Variants in NALF1 observed in about 807,000 individuals in gnomAD.
NALF1 encodes NALCN channel auxiliary factor 1.
NALF1 carries 3 observed loss-of-function variants against 48.4 expected under a neutral mutation model. The observed-to-expected ratio is 0.06, with a 90% CI of 0.03 to 0.16. NALF1 has a LOEUF of 0.16. Among genes scored for constraint, NALF1 ranks in the 10% least tolerant of loss-of-function variants. The pLI, the probability that NALF1 is intolerant of heterozygous loss-of-function variation, is 1.00. For missense variants in NALF1, 526 were observed against 571.5 expected (o/e 0.92, Z 0.81); for synonymous variants, 262 against 245.7 (o/e 1.07, Z -0.62).
chr13:107,800,605 AATATAATATATATATTATATAATT>A (rs1363887065), intron 1 of NALF1, among the ~76,000 whole-genome samples: 1 of 137,648 alleles, frequency 7.3e-6, no homozygotes, highest in Admixed American at 7.4e-5. Context: ...TAAATTATGT[AATATAATATATATATTATATAATT>A]ATATAATACA....
At chr13:107,287,182 A>G (rs911814287) in intron 1 of NALF1, among the ~76,000 whole-genome samples, 2 of 152,240 alleles carry the variant, frequency 1.3e-5, no homozygotes, top group African/African-American at 2.4e-5. Context: ...TATGGTAACC[A>G]GAACCTTCAC....
At chr13:107,826,511 G>A (rs781364287) in intron 1 of NALF1, among the ~76,000 whole-genome samples, 2 of 152,212 alleles carry the variant, frequency 1.3e-5, no homozygotes, top group Non-Finnish European at 1.5e-5. Flanking sequence ...AGAGGAAGAC[G>A]CCAACGGGGC....
chr13:107,385,740 C>G (rs1181774603), intron 1 of NALF1, among the ~76,000 whole-genome samples: 2 of 152,014 alleles, frequency 1.3e-5, no homozygotes, highest in African/African-American at 4.8e-5. Flanking sequence ...CTGTATATGC[C>G]AATTCTTTAA....
chr13:107,776,416 T>C (rs1233690764), intron 1 of NALF1, among the ~76,000 whole-genome samples: 1 of 152,168 alleles, frequency 6.6e-6, no homozygotes, highest in Non-Finnish European at 1.5e-5. Flanking sequence ...GTTTCTGGCA[T>C]ATGGGAAGCT....
At chr13:107,609,800 A>T (rs28433159) in intron 1 of NALF1, among the ~76,000 whole-genome samples, 6,648 of 152,278 alleles carry the variant, frequency 0.044, 375 homozygotes, top group East Asian at 0.26. Flanking sequence ...GGATAAAATA[A>T]ATGCATGTAT....
intron 1 of NALF1, among the ~76,000 whole-genome samples, chr13:107,222,078 T>C (rs1279438062): frequency 6.6e-6 from 1 of 152,182 alleles, no homozygotes; most frequent in African/African-American, 2.4e-5. Context: ...TGTGATCTTA[T>C]TAACACAAGC....
chr13:107,614,169 C>A (rs1241988251), intron 1 of NALF1, among the ~76,000 whole-genome samples: 1 of 152,036 alleles, frequency 6.6e-6, no homozygotes, highest in Non-Finnish European at 1.5e-5. Context: ...GAGAAAATAC[C>A]AAATCTCTCA....
At chr13:107,282,790 G>C (rs1001636135) in intron 1 of NALF1, among the ~76,000 whole-genome samples, 2 of 152,198 alleles carry the variant, frequency 1.3e-5, no homozygotes, top group African/African-American at 2.4e-5. Context: ...TGAGGGGACT[G>C]AACCTCAGGA....
At chr13:107,500,114 A>C (rs1010884582) in intron 1 of NALF1, among the ~76,000 whole-genome samples, 1 of 152,180 alleles carries the variant, frequency 6.6e-6, no homozygotes, top group Non-Finnish European at 1.5e-5. Flanking sequence ...AAGGCTTGAC[A>C]ATTTTACATG....
intron 1 of NALF1, among the ~76,000 whole-genome samples, chr13:107,401,704 A>C (rs1003042055): frequency 6.7e-6 from 1 of 148,720 alleles, no homozygotes; most frequent in African/African-American, 2.5e-5. Context: ...AAAAAAAAAA[A>C]CAATGTTGAA....
At chr13:107,474,753 C>T (rs1594082939) in intron 1 of NALF1, among the ~76,000 whole-genome samples, 1 of 152,176 alleles carries the variant, frequency 6.6e-6, no homozygotes, top group East Asian at 1.9e-4. Context: ...GAGACAGATC[C>T]TACCATGGAA....
intron 1 of NALF1, among the ~76,000 whole-genome samples, chr13:107,456,283 G>T (rs1156874367): frequency 6.6e-6 from 1 of 152,152 alleles, no homozygotes; most frequent in Non-Finnish European, 1.5e-5. Context: ...TACAAGGCAT[G>T]AAAGTAAAAG....
chr13:107,708,420 T>C (rs1875467435), intron 1 of NALF1, among the ~76,000 whole-genome samples: 1 of 152,188 alleles, frequency 6.6e-6, no homozygotes, highest in Admixed American at 6.5e-5. Context: ...CATAAGGTGC[T>C]AAAAGGAAGG....
At chr13:107,217,672 G>A (rs960974570) in intron 1 of NALF1, among the ~76,000 whole-genome samples, 5 of 151,988 alleles carry the variant, frequency 3.3e-5, no homozygotes, top group African/African-American at 4.8e-5. Context: ...GGGGTCATCC[G>A]GGTGCCTCTT....
chr13:107,818,958 A>G (rs975343156), intron 1 of NALF1, among the ~76,000 whole-genome samples: 2 of 151,566 alleles, frequency 1.3e-5, no homozygotes, highest in African/African-American at 2.4e-5. Context: ...ATGTTCTTGC[A>G]GTGTGAGAAT....
chr13:107,559,393 T>C (rs1228152315), intron 1 of NALF1, among the ~76,000 whole-genome samples: 1 of 152,138 alleles, frequency 6.6e-6, no homozygotes, highest in Admixed American at 6.5e-5. Context: ...ACTACAATGT[T>C]AGAATAAAGG....
intron 1 of NALF1, among the ~76,000 whole-genome samples, chr13:107,245,398 T>C (rs924862992): frequency 3.3e-5 from 5 of 152,224 alleles, no homozygotes; most frequent in Admixed American, 2.0e-4. Flanking sequence ...GAAATGCCTG[T>C]TCCCTGGATC....
intron 1 of NALF1, among the ~76,000 whole-genome samples, chr13:107,808,100 G>A (rs1199514696): frequency 2.6e-5 from 4 of 152,100 alleles, no homozygotes; most frequent in Non-Finnish European, 4.4e-5. Flanking sequence ...TACAAGAATC[G>A]ATAACAAGGG....
At chr13:107,796,888 T>C (rs754950666) in intron 1 of NALF1, among the ~76,000 whole-genome samples, 7 of 152,180 alleles carry the variant, frequency 4.6e-5, no homozygotes, top group Non-Finnish European at 1.0e-4. Flanking sequence ...ACACTCATAC[T>C]CTTCCATCAC....
Sources: gnomAD v4.1 joint callset for allele counts (sites outside exome capture counted in the v4.1 genomes callset) on GRCh38, gnomAD v4.1.1 for gene constraint, MANE v1.5 for transcripts, NCBI Gene and HGNC (gene_info 2026-07-23, HGNC 2026-07-21) for gene names.